Variants in SMAD7 observed in about 807,000 individuals in gnomAD.
The protein encoded by SMAD7 is MAD (mothers against decapentaplegic, Drosophila) homolog 7.
SMAD7 carries 8 observed loss-of-function variants against 38.7 expected under a neutral mutation model. That is an observed-to-expected ratio of 0.21 (90% CI 0.12 to 0.37). SMAD7 has a LOEUF of 0.37. SMAD7 is among the 10% of genes least tolerant of loss of function. The pLI is 1.00. For missense variants in SMAD7, 477 were observed against 577.9 expected (o/e 0.83, Z 1.79); for synonymous variants, 327 against 265.1 (o/e 1.23, Z -2.27).
intron 1 of SMAD7, among the ~76,000 whole-genome samples, chr18:48,948,922 T>G (rs1170999248): frequency 6.6e-6 from 1 of 152,218 alleles, no homozygotes; most frequent in East Asian, 1.9e-4. Flanking sequence ...CCAAGCGTGC[T>G]GGGGAACGTG....
chr18:48,929,573 T>TCACACACA lies in SMAD7; in HGVS notation c.743-7671_743-7664dup, dbSNP rs6146310. 7.3e-5 allele frequency among the ~76,000 whole-genome samples: 10 copies of TCACACACA among 137,424 alleles called. No homozygotes were observed. In the East Asian group the frequency reaches 2.0e-3, roughly 27 times the overall value. The allele number at this position is 137,424 out of a possible 152,430, so 90.2% of individuals were successfully genotyped here. ...CTTTCTCTCTCTCTCTCTCTCTCACTCACACACACACACACACACACACAC... is the reference window on the plus strand; with the variant it reads ...CTTTCTCTCTCTCTCTCTCTCTCACTCACACACACACACACACACACACACACACACAC... On this transcript the variant is annotated intron_variant, in intron 3 of 3. Transcript: ENST00000262158.
At chr18:48,929,730 A>C (rs879413911) in intron 3 of SMAD7, among the ~76,000 whole-genome samples, 9 of 152,106 alleles carry the variant, frequency 5.9e-5, no homozygotes, top group Non-Finnish European at 1.3e-4. Flanking sequence ...CTGTGTGTGC[A>C]AGAAACCAAG....
At chr18:48,932,854 A>C (rs1019515090) in intron 3 of SMAD7, among the ~76,000 whole-genome samples, 11 of 152,170 alleles carry the variant, frequency 7.2e-5, no homozygotes, top group Non-Finnish European at 1.3e-4. Context: ...CTGGAGTTAC[A>C]AAGGGAAAGT....
chr18:48,941,128 T>C (rs561654453), intron 3 of SMAD7, among the ~76,000 whole-genome samples: 15 of 152,266 alleles, frequency 9.9e-5, no homozygotes, highest in African/African-American at 3.6e-4. Context: ...ATTGGCCTTC[T>C]TTCTTTCAAG....
In SMAD7 at chr18:48,950,037, C is replaced by A. The variant is rs1272742769; in HGVS notation, c.388G>T (p.Gly130Cys). 6.9e-7 allele frequency: 1 copy of A among 1,447,596 alleles called. No individual in the cohort carries two copies. Among genetic ancestry groups the A allele is most frequent in the Middle Eastern group, 2.0e-4 (1 of 5,058 alleles). The allele number at this position is 1,447,596 out of a possible 1,614,324, so 89.7% of individuals were successfully genotyped here. Residue 130 changes from glycine (G) to cysteine (C), a missense_variant, in exon 1 of 4, where the codon GGC (glycine) becomes TGC (cysteine). Around this residue, in one of 2 missense-constraint regions of SMAD7, gnomAD observed 376 missense variants for 379.4 expected, o/e 0.99. Transcript: ENST00000262158. ...GGGCCCAGCCTGCAGTCCAGGCGGCCGGGCAGCAGGAGGCACGCGGTGCGC... is the reference window on the plus strand; with the variant it reads ...GGGCCCAGCCTGCAGTCCAGGCGGCAGGGCAGCAGGAGGCACGCGGTGCGC... ...GTRTACLLLP[G>C]RLDCRLGPGA...
Position 48,920,724 on chromosome 18 carries a change from C to G in SMAD7, c.*648G>C, listed in dbSNP as rs1422509771. On this transcript the variant is annotated 3_prime_UTR_variant, in exon 4 of 4. Transcript: ENST00000262158. ...AAAATAATTGGTTCTGGTTCGGCCA[C>G]TAGCAGGCTCGCTGCTCAGAAGCCT... 1 of 152,372 alleles carries G rather than the reference C, an allele frequency of 6.6e-6. No individual in the cohort carries two copies. Among genetic ancestry groups the G allele is most frequent in the African/African-American group, 2.4e-5 (1 of 41,460 alleles). 9.4% of individuals were successfully genotyped at this position (152,372 alleles called of 1,614,324 possible). A position where few individuals can be genotyped will look rare whatever the true frequency, so the allele number is the denominator to read the frequency against.
At position 48,936,117 on chromosome 18, in the gene SMAD7, C is replaced by CACACACACACACA. The variant is rs1211505658; in HGVS notation, c.742+6363_742+6364insTGTGTGTGTGTGT. ...ACACACACACACACACACACACACA[C>CACACACACACACA]CACACACACACACACGAGATCCCAG... On this transcript the variant is annotated intron_variant, in intron 3 of 3. Transcript: ENST00000262158. Among the ~76,000 whole-genome samples, 7 of 14,250 alleles carry CACACACACACACA rather than the reference C, an allele frequency of 4.9e-4. 1 individual carries two copies. Among genetic ancestry groups the CACACACACACACA allele is most frequent in the African/African-American group, 1.2e-3 (2 of 1,650 alleles). 9.3% of individuals were successfully genotyped at this position (14,250 alleles called of 152,430 possible).
At chr18:48,923,195 C>A (rs58920878) in intron 3 of SMAD7, among the ~76,000 whole-genome samples, 49 of 152,166 alleles carry the variant, frequency 3.2e-4, no homozygotes, top group African/African-American at 1.1e-3. Flanking sequence ...GCCTTGCCCT[C>A]GCTCCCTGCA....
rs938313821 is a variant in SMAD7, at chr18:48,939,137, C to T, written c.742+3344G>A. The stretch of plus-strand genomic sequence containing the variant: ...ACGGGATTGTCTATCTGTACGTCTG[C>T]GGCAAAACCCACCCACCCACACACC... On this transcript the variant is annotated intron_variant, in intron 3 of 3. Coordinates refer to ENST00000262158, the MANE Select transcript of SMAD7 (RefSeq NM_005904.4). Among the ~76,000 whole-genome samples, 8 of 152,120 alleles carry T rather than the reference C, an allele frequency of 5.3e-5. No homozygotes were observed. In the East Asian group the frequency reaches 7.7e-4, roughly 15 times the overall value.
In SMAD7 at chr18:48,950,132, G is replaced by C; in HGVS notation, c.293C>G (p.Ser98Trp). 2 of 1,494,716 alleles carry C rather than the reference G, an allele frequency of 1.3e-6. No individual in the cohort carries two copies. Among genetic ancestry groups the C allele is most frequent in the South Asian group, 1.3e-5 (1 of 78,732 alleles). The allele number at this position is 1,494,716 out of a possible 1,614,324, so 92.6% of individuals were successfully genotyped here. A position where few individuals can be genotyped will look rare whatever the true frequency, so the allele number is the denominator to read the frequency against. The part of the protein sequence containing the change: ...AEADLKALTH[S>W]VLKKLKERQL... ...CCGCTCCTTCAGTTTCTTGAGCACCGAGTGCGTGAGCGCCTTCAGATCCGC... is the reference window on the plus strand; with the variant it reads ...CCGCTCCTTCAGTTTCTTGAGCACCCAGTGCGTGAGCGCCTTCAGATCCGC... Residue 98 changes from serine to tryptophan, a missense_variant, in exon 1 of 4, where the codon TCG becomes TGG. Physicochemically the swap from Ser to Trp is radical, Grantham distance 177 (BLOSUM62 -3). This residue lies in a region of SMAD7 where 376 missense variants were observed against 379.4 expected (regional missense o/e 0.99). Coordinates refer to ENST00000262158, the MANE Select transcript of SMAD7 (RefSeq NM_005904.4).
At position 48,921,809 on chromosome 18, in the gene SMAD7, G is replaced by C. The variant is rs1446180023; in HGVS notation, c.844C>G (p.Pro282Ala). 1.2e-6 allele frequency: 2 copies of C among 1,613,840 alleles called. No homozygotes were observed. The highest frequency in any genetic ancestry group is 3.3e-5 in the Admixed American group (2 of 60,030). ...RVGRLYCVQE[P>A]SLDIFYDLPQ... is the part of the protein sequence containing the mutation. ...AGATCATAGAAGATATCCAGAGAGG[G>C]CTCCTGGACACAGTAGAGCCTCCCC... is the stretch of plus-strand genomic sequence containing the variant. Residue 282 changes from proline (P) to alanine (A), a missense_variant, in exon 4 of 4, where the codon CCC becomes GCC. By Grantham distance (27) the Pro-to-Ala change is conservative. Transcript: ENST00000262158. This position sits in a 1 kb window ranked among gnomAD's most constrained non-coding sequence, Gnocchi z 6.4.
intron 3 of SMAD7, among the ~76,000 whole-genome samples, chr18:48,941,401 G>A (rs2070137954): frequency 1.3e-5 from 2 of 152,214 alleles, no homozygotes; most frequent in African/African-American, 2.4e-5. Flanking sequence ...TTCCTGAAGA[G>A]GAGAGCCGGG....
chr18:48,944,334 C>T (rs1188255123), intron 2 of SMAD7, among the ~76,000 whole-genome samples: 2 of 152,210 alleles, frequency 1.3e-5, no homozygotes, highest in African/African-American at 4.8e-5. Flanking sequence ...AGCCGGGCAT[C>T]TCAGAGCAGA....
rs968853313 is a variant in SMAD7, at chr18:48,950,245, G to A, written c.180C>T (p.Cys60=). Residue 60 remains cysteine (C), a synonymous_variant, in exon 1 of 4, where the codon TGC becomes TGT. Transcript: ENST00000262158. The part of the protein sequence containing the change: ...AGGGGPGRAG[C]CLGKAVRGAK... ...CACCTCGCACCGCCTTGCCCAGGCA[G>A]CATCCAGCCCTGCCCGGGCCGCCGC... 7.9e-6 allele frequency: 12 copies of A among 1,510,152 alleles called. No individual in the cohort carries two copies. The highest frequency in any genetic ancestry group is 2.5e-5 in the South Asian group (2 of 81,000). 93.5% of individuals were successfully genotyped at this position (1,510,152 alleles called of 1,614,324 possible).
rs2069854204 is a variant in SMAD7, at chr18:48,921,219, A to T, written c.*153T>A. 1.5e-6 allele frequency: 1 copy of T among 657,630 alleles called. No individual in the cohort carries two copies. Among genetic ancestry groups the T allele is most frequent in the African/African-American group, 1.8e-5 (1 of 55,138 alleles). 40.7% of individuals were successfully genotyped at this position (657,630 alleles called of 1,614,324 possible). ...AAAGAGCGAAACAAAACAGAACACA[A>T]ACGAGGACGAGAAGAAGAAAACCAA... On this transcript the variant is annotated 3_prime_UTR_variant, in exon 4 of 4. Transcript: ENST00000262158. This position sits in a 1 kb window ranked among gnomAD's most constrained non-coding sequence, Gnocchi z 6.4.
rs1430909650 is a variant in SMAD7 at position 48,920,048 on chromosome 18, CATAA to C, written c.*1320_*1323del. 5 of 152,442 alleles carry C rather than the reference CATAA, an allele frequency of 3.3e-5. No individual in the cohort carries two copies. Among genetic ancestry groups the C allele is most frequent in the Non-Finnish European group, 5.9e-5 (4 of 68,014 alleles). 9.4% of individuals were successfully genotyped at this position (152,442 alleles called of 1,614,324 possible). A position where few individuals can be genotyped will look rare whatever the true frequency, so the allele number is the denominator to read the frequency against. On this transcript the variant is annotated 3_prime_UTR_variant, in exon 4 of 4. Transcript: ENST00000262158. ...TCTTGTTTATACACATTGCACAATA[CATAA>C]ATAATGATGCTTATAAAACGTCTTT...
In SMAD7 at chr18:48,950,576, G is replaced by A. The variant is rs2070252371; in HGVS notation, c.-152C>T. 2 of 625,638 alleles carry A rather than the reference G, an allele frequency of 3.2e-6. No homozygotes were observed. Among genetic ancestry groups the A allele is most frequent in the African/African-American group, 1.9e-5 (1 of 51,556 alleles). 38.8% of individuals were successfully genotyped at this position (625,638 alleles called of 1,614,324 possible). On this transcript the variant is annotated 5_prime_UTR_variant, in exon 1 of 4. Transcript: ENST00000262158. Reference sequence around the variant, plus strand: ...GCCCGGGCAGGAGCGGCGGCGGCCCGAGGGGCGCTCCGTGGCATGCGCCAG... The same window carrying A: ...GCCCGGGCAGGAGCGGCGGCGGCCCAAGGGGCGCTCCGTGGCATGCGCCAG...
At chr18:48,925,639 A>T (rs189195600) in intron 3 of SMAD7, among the ~76,000 whole-genome samples, 5 of 152,148 alleles carry the variant, frequency 3.3e-5, no homozygotes, top group African/African-American at 1.2e-4. Context: ...CTTCCAGGAG[A>T]CCAGAGGCTC....
chr18:48,945,948 T>A (rs2070189968), intron 2 of SMAD7, among the ~76,000 whole-genome samples: 1 of 152,174 alleles, frequency 6.6e-6, no homozygotes, highest in Admixed American at 6.5e-5. Context: ...GGTTCAGTCA[T>A]GTGAACACTC....
Sources: gnomAD v4.1 joint callset for allele counts (sites outside exome capture counted in the v4.1 genomes callset) on GRCh38, gnomAD v4.1.1 for gene constraint, gnomAD v4.1.1 regional missense constraint, Gnocchi (gnomAD v3.1) non-coding constraint, MANE v1.5 for transcripts, NCBI Gene and HGNC (gene_info 2026-07-23, HGNC 2026-07-21) for gene names.